SUMF1: variants seen among roughly 807,000 people sequenced by gnomAD.
SUMF1 encodes the protein sulfatase modifying factor 1, also known as formylglycine-generating enzyme.
SUMF1 carries 48 observed loss-of-function variants against 47.6 expected under a neutral mutation model. The ratio of observed to expected loss-of-function variants is 1.01; its 90% CI spans 0.80 to 1.28. The LOEUF is 1.28. SUMF1 is among the 50% of genes most tolerant of loss of function. The pLI is 0.00. For synonymous variants in SUMF1, 230 were observed against 192.1 expected (o/e 1.20, Z -1.63); for missense variants, 571 against 485.4 (o/e 1.18, Z -1.66).
chr3:4,403,522 T>A (rs1701280622), intron 7 of SUMF1, among the ~76,000 whole-genome samples: 1 of 152,138 alleles, frequency 6.6e-6, no homozygotes, highest in Non-Finnish European at 1.5e-5. Context: ...AGAATGGGAA[T>A]GCTTATCTAG....
intron 8 of SUMF1, among the ~76,000 whole-genome samples, chr3:4,279,624 T>G (rs1289174095): frequency 6.6e-6 from 1 of 151,972 alleles, no homozygotes; most frequent in African/African-American, 2.4e-5. Context: ...GAGGTGAAGG[T>G]TCATCACAGC....
At chr3:4,204,478 T>C (rs1185644923) in intron 8 of SUMF1, among the ~76,000 whole-genome samples, 2 of 152,134 alleles carry the variant, frequency 1.3e-5, no homozygotes, top group African/African-American at 2.4e-5. Flanking sequence ...TTAAATCTGC[T>C]TGGTGTTCTA....
At chr3:4,223,576 C>T (rs926604194) in intron 8 of SUMF1, among the ~76,000 whole-genome samples, 3 of 152,120 alleles carry the variant, frequency 2.0e-5, no homozygotes, top group Non-Finnish European at 2.9e-5. Flanking sequence ...ACTTCTCATT[C>T]AGCTGCTTTA....
At chr3:4,381,848 C>T (rs1017413381) in intron 7 of SUMF1, among the ~76,000 whole-genome samples, 1 of 152,170 alleles carries the variant, frequency 6.6e-6, no homozygotes, top group African/African-American at 2.4e-5. Flanking sequence ...AGTTCAAGAC[C>T]GGCCTTGGGC....
At chr3:4,306,505 G>A (rs1001558253) in intron 8 of SUMF1, among the ~76,000 whole-genome samples, 1 of 152,196 alleles carries the variant, frequency 6.6e-6, no homozygotes, top group Non-Finnish European at 1.5e-5. Context: ...GTCCCACAGT[G>A]TTCTAACTAT....
At chr3:4,213,593 C>A (rs781406735) in intron 8 of SUMF1, among the ~76,000 whole-genome samples, 1 of 152,132 alleles carries the variant, frequency 6.6e-6, no homozygotes, top group African/African-American at 2.4e-5. Flanking sequence ...GGGCTAAATG[C>A]CCCAATTAAA....
At chr3:4,211,531 G>A (rs1451965172) in intron 8 of SUMF1, among the ~76,000 whole-genome samples, 1 of 151,916 alleles carries the variant, frequency 6.6e-6, no homozygotes, top group African/African-American at 2.4e-5. Flanking sequence ...AAATATAAGA[G>A]AATATCTTCA....
At chr3:4,037,069 T>C (rs1694814147) in intron 9 of SUMF1, among the ~76,000 whole-genome samples, 1 of 152,066 alleles carries the variant, frequency 6.6e-6, no homozygotes, top group Admixed American at 6.5e-5. Context: ...AACAAATAAA[T>C]TCAAGTATTC....
At chr3:4,087,050 C>T (rs1692686964) in intron 8 of SUMF1, among the ~76,000 whole-genome samples, 1 of 152,132 alleles carries the variant, frequency 6.6e-6, no homozygotes, top group African/African-American at 2.4e-5. Context: ...TCCCAAAAAA[C>T]ATCTAATAGA....
chr3:4,072,416 G>T (rs1031361131), intron 8 of SUMF1, among the ~76,000 whole-genome samples: 1 of 152,032 alleles, frequency 6.6e-6, no homozygotes, highest in South Asian at 2.1e-4. Flanking sequence ...AAACCAAAAC[G>T]CCCCTTCTCC....
chr3:4,345,314 C>T (rs1699352977), intron 8 of SUMF1, among the ~76,000 whole-genome samples: 1 of 152,216 alleles, frequency 6.6e-6, no homozygotes, highest in South Asian at 2.1e-4. Flanking sequence ...AAGGGAAGCC[C>T]ATCAGACTAA....
intron 1 of SUMF1, among the ~76,000 whole-genome samples, chr3:4,458,081 T>C (rs568440337): frequency 6.6e-6 from 1 of 152,158 alleles, no homozygotes; most frequent in Non-Finnish European, 1.5e-5. Context: ...AGGACCCGAA[T>C]AGACATTGCT....
intron 6 of SUMF1, among the ~76,000 whole-genome samples, chr3:4,415,245 A>C (rs1013300008): frequency 2.7e-5 from 4 of 147,286 alleles, no homozygotes; most frequent in Non-Finnish European, 4.5e-5. Flanking sequence ...AAAAAAAAAA[A>C]CAGACAGAAA....
chr3:4,045,608 T>G (rs976267787), intron 9 of SUMF1, among the ~76,000 whole-genome samples: 1 of 152,044 alleles, frequency 6.6e-6, no homozygotes, highest in Non-Finnish European at 1.5e-5. Flanking sequence ...AGCTAACAAC[T>G]CCATATAATC....
intron 8 of SUMF1, among the ~76,000 whole-genome samples, chr3:4,185,737 A>C (rs1304804935): frequency 6.6e-6 from 1 of 152,232 alleles, no homozygotes; most frequent in African/African-American, 2.4e-5. Flanking sequence ...GTATAATTTT[A>C]TAAAAGATTA....
At chr3:4,157,606 A>G (rs1466553549) in intron 8 of SUMF1, among the ~76,000 whole-genome samples, 1 of 151,468 alleles carries the variant, frequency 6.6e-6, no homozygotes, top group African/African-American at 2.4e-5. Context: ...TAATGAGTCC[A>G]TGGATTTCTT....
intron 3 of SUMF1, among the ~76,000 whole-genome samples, chr3:4,432,790 AG>A (rs905567502): frequency 6.6e-6 from 1 of 152,212 alleles, no homozygotes; most frequent in Non-Finnish European, 1.5e-5. Flanking sequence ...CATGAGAATA[AG>A]GATTTAGATC....
At chr3:4,242,343 T>G (rs1460599082) in intron 8 of SUMF1, among the ~76,000 whole-genome samples, 1 of 152,164 alleles carries the variant, frequency 6.6e-6, no homozygotes, top group African/African-American at 2.4e-5. Context: ...AGGGCAACCC[T>G]CTCGTGTGCC....
rs59525993 is a variant in SUMF1, at chr3:4,202,313, T to C, written c.1015-133568A>G. Among the ~76,000 whole-genome samples, 631 of 152,222 alleles carry C rather than the reference T, an allele frequency of 4.1e-3. 7 individuals are homozygous for C. The highest frequency in any genetic ancestry group is 0.014 in the African/African-American group (599 of 41,590). ...ACAGATAGGGGTCTCATTTCATTTTTCTGCATATGCATATCCAGTTTTCCT... is the reference window on the plus strand; with the variant it reads ...ACAGATAGGGGTCTCATTTCATTTTCCTGCATATGCATATCCAGTTTTCCT... On this transcript the variant is annotated intron_variant and NMD_transcript_variant, in intron 8 of 12. Coordinates refer to the SUMF1 transcript ENST00000448413.
Sources: gnomAD v4.1 joint callset for allele counts (sites outside exome capture counted in the v4.1 genomes callset) on GRCh38, gnomAD v4.1.1 for gene constraint, MANE v1.5 for transcripts, NCBI Gene and HGNC (gene_info 2026-07-23, HGNC 2026-07-21) for gene names.